AURKA: variants seen among roughly 807,000 people sequenced by gnomAD.
AURKA encodes aurora 2.
Under a neutral mutation model 40.9 loss-of-function variants are expected in AURKA, and 12 were observed. The observed-to-expected ratio is 0.29, with a 90% CI of 0.19 to 0.48. The LOEUF (loss-of-function observed/expected upper bound fraction) is 0.48, where lower values mean the gene tolerates loss of function less well. AURKA is among the 20% of genes least tolerant of loss of function. The pLI is 0.99. For synonymous variants in AURKA, 170 were observed against 164.3 expected (o/e 1.03, Z -0.26); for missense variants, 322 against 462.1 (o/e 0.70, Z 2.78).
At chr20:56,377,999 C>A (rs559206652) in intron 6 of AURKA, among the ~76,000 whole-genome samples, 1 of 152,022 alleles carries the variant, frequency 6.6e-6, no homozygotes, top group African/African-American at 2.4e-5. Flanking sequence ...AACCTTGTCT[C>A]TACAAAAAAA....
In AURKA at chr20:56,373,307, C is replaced by G; in HGVS notation, c.854+101G>C. 1 of 1,573,668 alleles carries G rather than the reference C, an allele frequency of 6.4e-7. No individual in the cohort carries two copies. The highest frequency in any genetic ancestry group is 8.7e-7 in the Non-Finnish European group (1 of 1,146,646). On this transcript the variant is annotated intron_variant, in intron 7 of 8. Coordinates refer to ENST00000395915, the MANE Select transcript of AURKA (RefSeq NM_198437.3). This position sits in a 1 kb window ranked among gnomAD's most constrained non-coding sequence, Gnocchi z 5.0. ...ACTTCTGGGTTAGCCACCTACCCCT[C>G]TTACAGCACAAAATCTACACTGAAA...
At position 56,369,981 on chromosome 20, in the gene AURKA, T is replaced by C. The variant is rs1034026906; in HGVS notation, c.*177A>G. 2.4e-5 allele frequency: 18 copies of C among 751,014 alleles called. No individual in the cohort carries two copies. In the South Asian group the frequency reaches 2.7e-4, roughly 11 times the overall value. The allele number at this position is 751,014 out of a possible 1,614,324, so 46.5% of individuals were successfully genotyped here. A position where few individuals can be genotyped will look rare whatever the true frequency, so the allele number is the denominator to read the frequency against. On this transcript the variant is annotated 3_prime_UTR_variant, in exon 9 of 9. Coordinates refer to ENST00000395915, the MANE Select transcript of AURKA (RefSeq NM_198437.3). ...CTTTCACTTCAGAGTGTCATGTTTA[T>C]TGATGTGGAGCTTTCTGAATAGGGA...
rs772613325 is a variant in AURKA, at chr20:56,386,285, C to T, written c.291G>A (p.Lys97=). The T allele has an allele frequency of 4.3e-6, 7 of 1,614,224 alleles. No homozygotes were observed. Among genetic ancestry groups the T allele is most frequent in the Admixed American group, 1.7e-5 (1 of 60,016 alleles). The change falls in exon 3 of 9, where the codon AAG becomes AAA. Residue 97 remains lysine, a synonymous_variant. Coordinates refer to ENST00000395915, the MANE Select transcript of AURKA (RefSeq NM_198437.3). The part of the protein sequence containing the change: ...PVSRPLNNTQ[K]SKQPLPSAPE... Reference sequence around the variant, plus strand: ...GTGCCGATGGCAGGGGCTGCTTGCTCTTTTGGGTGTTATTCAGTGGCCTGG... The same window carrying T: ...GTGCCGATGGCAGGGGCTGCTTGCTTTTTTGGGTGTTATTCAGTGGCCTGG...
intron 7 of AURKA, among the ~76,000 whole-genome samples, chr20:56,371,332 T>C (rs113921973): frequency 7.1e-6 from 1 of 141,204 alleles, no homozygotes; most frequent in Non-Finnish European, 1.6e-5. Flanking sequence ...TGTGGTGGTG[T>C]GCGCCTGTAG....
chr20:56,374,011 G>A (rs976433941), intron 6 of AURKA, among the ~76,000 whole-genome samples: 2 of 137,126 alleles, frequency 1.5e-5, no homozygotes, highest in African/African-American at 5.7e-5. Flanking sequence ...AATTATATAG[G>A]AGTCTACACA....
At chr20:56,380,385 A>G (rs984242777) in intron 6 of AURKA, among the ~76,000 whole-genome samples, 5 of 151,958 alleles carry the variant, frequency 3.3e-5, no homozygotes, top group Admixed American at 1.3e-4. Context: ...AGAAAGAAAA[A>G]AAGTTCCCAG....
At chr20:56,386,947 G>A (rs1986450554) in intron 2 of AURKA, among the ~76,000 whole-genome samples, 2 of 151,764 alleles carry the variant, frequency 1.3e-5, no homozygotes, top group South Asian at 2.1e-4. Context: ...AAAAAAATAC[G>A]TCAAAACGTT....
At chr20:56,388,643 CT>C (rs1418302280) in intron 1 of AURKA, 1 of 194,958 alleles carries the variant, frequency 5.1e-6, no homozygotes, top group Non-Finnish European at 1.1e-5. Context: ...GAAACCCCGT[CT>C]CTACTAAAAA....
intron 6 of AURKA, among the ~76,000 whole-genome samples, chr20:56,374,367 T>C (rs1439322784): frequency 1.3e-5 from 2 of 152,196 alleles, no homozygotes; most frequent in African/African-American, 2.4e-5. Context: ...TTTGCAAGTA[T>C]AGTCAATTCC....
intron 4 of AURKA, among the ~76,000 whole-genome samples, chr20:56,383,690 C>A (rs1986017035): frequency 6.6e-6 from 1 of 152,218 alleles, no homozygotes; most frequent in African/African-American, 2.4e-5. Context: ...GCATGAGAAC[C>A]AGTGGATTTA....
At chr20:56,386,623 A>G in intron 2 of AURKA, 90 bp from the exon 3 acceptor site, 1 of 1,437,328 alleles carries the variant, frequency 7.0e-7, no homozygotes, top group Non-Finnish European at 9.7e-7. Flanking sequence ...TCTCTAGTAT[A>G]GCAAAATAAT....
In AURKA at chr20:56,386,206, A is replaced by G. The variant is rs1336550432; in HGVS notation, c.319+51T>C. 12 of 1,610,008 alleles carry G rather than the reference A, an allele frequency of 7.5e-6. No homozygotes were observed. The African/African-American group carries it at 1.3e-4, about 18-fold the overall frequency. On this transcript the variant is annotated intron_variant, in intron 3 of 8. Coordinates refer to ENST00000395915, the MANE Select transcript of AURKA (RefSeq NM_198437.3). The stretch of plus-strand genomic sequence containing the variant: ...TGCAAGTATATACACTGGCTTTTTT[A>G]GCAACGACGACAAAGAAGGACTATC...
At chr20:56,391,634 G>T (rs900574056) in intron 1 of AURKA, among the ~76,000 whole-genome samples, 4 of 152,114 alleles carry the variant, frequency 2.6e-5, no homozygotes, top group Admixed American at 2.6e-4. Context: ...GACCGGGAAG[G>T]CCTCTGCAAG....
At chr20:56,384,193 G>T in intron 4 of AURKA, 77 bp downstream of exon 4, 2 of 1,202,004 alleles carry the variant, frequency 1.7e-6, no homozygotes, top group Non-Finnish European at 1.2e-6. Flanking sequence ...TTTCCCCAGA[G>T]TTCCCACAAC....
intron 6 of AURKA, among the ~76,000 whole-genome samples, chr20:56,374,997 G>A (rs1463454751): frequency 1.3e-5 from 2 of 152,084 alleles, no homozygotes; most frequent in South Asian, 2.1e-4. Context: ...GCAGTGAGCC[G>A]AGATCATGCC....
At chr20:56,386,835 C>A (rs1196554263) in intron 2 of AURKA, among the ~76,000 whole-genome samples, 1 of 152,118 alleles carries the variant, frequency 6.6e-6, no homozygotes, top group Non-Finnish European at 1.5e-5. Flanking sequence ...GAAATAGACA[C>A]TACATTGCTA....
Position 56,381,429 on chromosome 20 carries a change from T to C in AURKA, c.705+4A>G. On this transcript the variant is annotated splice_donor_region_variant and intron_variant, in intron 6 of 8. Transcript: ENST00000395915. ...ATTAGCCTGGACAATAAATGAACAC[T>C]TACAGTAGCAGTTCTCTGCTCATCA... The C allele has an allele frequency of 6.2e-7, 1 of 1,612,466 alleles. No homozygotes were observed. The highest frequency in any genetic ancestry group is 8.5e-7 in the Non-Finnish European group (1 of 1,179,854).
chr20:56,384,873 ATTT>A (rs1190589605), intron 3 of AURKA, among the ~76,000 whole-genome samples: 2 of 152,192 alleles, frequency 1.3e-5, no homozygotes, highest in Admixed American at 1.3e-4. Flanking sequence ...TGGGGTAACT[ATTT>A]CATCAGCCAC....
At position 56,381,516 on chromosome 20, in the gene AURKA, G is replaced by C; in HGVS notation, c.622C>G (p.Leu208Val). The C allele has an allele frequency of 6.2e-7, 1 of 1,613,634 alleles. No homozygotes were observed. Among genetic ancestry groups the C allele is most frequent in the Non-Finnish European group, 8.5e-7 (1 of 1,179,680 alleles). ...CCAAGTGGTGCATATTCCAGAATTA[G>C]GTAGACTCTGGTAGCATCATGGAAA... ...GYFHDATRVYLILEYAPLGTV... is the reference protein window; with the variant it reads ...GYFHDATRVYVILEYAPLGTV... The change falls in exon 6 of 9, where the codon CTA (leucine) becomes GTA (valine). Residue 208 changes from leucine (L) to valine (V), a missense_variant. Transcript: ENST00000395915.
Sources: gnomAD v4.1 joint callset for allele counts (sites outside exome capture counted in the v4.1 genomes callset) on GRCh38, gnomAD v4.1.1 for gene constraint, Gnocchi (gnomAD v3.1) non-coding constraint, MANE v1.5 for transcripts, NCBI Gene and HGNC (gene_info 2026-07-23, HGNC 2026-07-21) for gene names.